The following ZNF680 variants were observed in gnomAD, a reference collection of about 807,000 sequenced individuals.
ZNF680 encodes the protein hypothetical protein FLJ90430.
ZNF680 carries 6 observed loss-of-function variants against 12.1 expected under a neutral mutation model. The observed-to-expected ratio is 0.49, with a 90% CI of 0.27 to 0.98. The LOEUF is 0.98. Among genes scored for constraint, ZNF680 ranks in the 50% least tolerant of loss-of-function variants. The pLI is 0.12. For missense variants in ZNF680, 561 were observed against 616.3 expected (o/e 0.91, Z 0.95); for synonymous variants, 170 against 199.3 (o/e 0.85, Z 1.24).
chr7:64,546,988 C>T (rs1017839552), intron 1 of ZNF680, among the ~76,000 whole-genome samples: 11 of 151,966 alleles, frequency 7.2e-5, no homozygotes, highest in African/African-American at 1.2e-4. Flanking sequence ...TAAAACAATA[C>T]GGATGCTTCC....
chr7:64,545,431 G>T (rs1408875991), intron 1 of ZNF680, among the ~76,000 whole-genome samples: 3 of 152,060 alleles, frequency 2.0e-5, no homozygotes, highest in African/African-American at 7.2e-5. Flanking sequence ...GCTGCATAAA[G>T]ATACTTACTA....
intron 1 of ZNF680, among the ~76,000 whole-genome samples, chr7:64,554,933 C>T (rs1488598275): frequency 6.6e-6 from 1 of 152,032 alleles, no homozygotes; most frequent in Admixed American, 6.6e-5. Flanking sequence ...CCACTATTGT[C>T]CTATGACCCT....
At chr7:64,540,316 T>G (rs1395469170) in intron 3 of ZNF680, among the ~76,000 whole-genome samples, 6 of 134,686 alleles carry the variant, frequency 4.5e-5, no homozygotes, top group Admixed American at 1.5e-4. Context: ...TTTTTTTTTT[T>G]TTTTTTGAGA....
intron 3 of ZNF680, among the ~76,000 whole-genome samples, chr7:64,528,072 T>C (rs1476579597): frequency 3.3e-5 from 5 of 152,128 alleles, no homozygotes; most frequent in African/African-American, 4.8e-5. Context: ...TGGGAGAAGA[T>C]GCCGACCTTA....
rs1168526586 is a variant in ZNF680, at chr7:64,526,197, T to C, written c.254-3697A>G. 3 of 975,890 alleles carry C rather than the reference T, an allele frequency of 3.1e-6. No homozygotes were observed. In the African/African-American group the frequency reaches 5.2e-5, roughly 17 times the overall value. 60.5% of individuals were successfully genotyped at this position (975,890 alleles called of 1,614,324 possible). A position where few individuals can be genotyped will look rare whatever the true frequency, so the allele number is the denominator to read the frequency against. ...TTAAAAAACTCTTAGAAGAAGAATG[T>C]AGGGAAAAAGTAATGTAGAGGTTAC... is the stretch of plus-strand genomic sequence containing the variant. On this transcript the variant is annotated intron_variant, in intron 3 of 3. Transcript: ENST00000309683.
chr7:64,516,126 A>C (rs896131018), downstream of ZNF680, among the ~76,000 whole-genome samples: 1 of 152,068 alleles, frequency 6.6e-6, no homozygotes, highest in Non-Finnish European at 1.5e-5. Flanking sequence ...CACAGGGGGA[A>C]CTCCTACTCA....
At chr7:64,559,866 T>C (rs1221425655) in intron 1 of ZNF680, among the ~76,000 whole-genome samples, 1 of 152,176 alleles carries the variant, frequency 6.6e-6, no homozygotes, top group African/African-American at 2.4e-5. Context: ...AAATGTATTA[T>C]TTTATTATTT....
In ZNF680 at chr7:64,522,002, G is replaced by C. The variant is rs755099527; in HGVS notation, c.752C>G (p.Ser251Ter). The change falls in exon 4 of 4, where the codon TCA becomes TGA. Residue 251 changes from serine to a stop codon, truncating the protein, a stop_gained. Transcript: ENST00000309683. LOFTEE classifies it low-confidence loss of function (END_TRUNC). The stretch of plus-strand genomic sequence containing the variant: ...AATTTTCTTATGTTTAATAAGGGTT[G>C]AGGATTGGTTAAAGGCTTTGCCACA... ...EECGKAFNQS[S>*]TLIKHKKIHI... is the part of the protein sequence containing the mutation. 1 of 1,612,866 alleles carries C rather than the reference G, an allele frequency of 6.2e-7. No homozygotes were observed. Among genetic ancestry groups the C allele is most frequent in the Non-Finnish European group, 8.5e-7 (1 of 1,179,572 alleles).
At chr7:64,510,140 G>T in the ZNF680 span, among the ~76,000 whole-genome samples, 1 of 150,888 alleles carries the variant, frequency 6.6e-6, no homozygotes, top group African/African-American at 2.4e-5. Context: ...AGGAAAAAAG[G>T]GTAGAACAAG....
chr7:64,563,049 G>T lies in ZNF680; in HGVS notation c.-95C>A. 1 of 1,456,274 alleles carries T rather than the reference G, an allele frequency of 6.9e-7. No homozygotes were observed. The highest frequency in any genetic ancestry group is 9.6e-7 in the Non-Finnish European group (1 of 1,046,440). 90.2% of individuals were successfully genotyped at this position (1,456,274 alleles called of 1,614,324 possible). A position where few individuals can be genotyped will look rare whatever the true frequency, so the allele number is the denominator to read the frequency against. On this transcript the variant is annotated 5_prime_UTR_variant, in exon 1 of 4. Coordinates refer to ENST00000309683, the MANE Select transcript of ZNF680 (RefSeq NM_178558.5). ...CACAGAGCAGTAAAGACTAGACCTGGAGCTCCCGCAGCAGCTAGAGACAAA... is the reference window on the plus strand; with the variant it reads ...CACAGAGCAGTAAAGACTAGACCTGTAGCTCCCGCAGCAGCTAGAGACAAA...
intron 1 of ZNF680, among the ~76,000 whole-genome samples, chr7:64,558,935 T>A (rs1027380540): frequency 6.6e-6 from 1 of 151,314 alleles, no homozygotes; most frequent in Non-Finnish European, 1.5e-5. Context: ...AAAGAGCAAG[T>A]GGGAGGGGAA....
Position 64,521,071 on chromosome 7 carries a change from C to T in ZNF680, c.*90G>A. The T allele has an allele frequency of 3.0e-6, 4 of 1,336,446 alleles. No individual in the cohort carries two copies. Among genetic ancestry groups the T allele is most frequent in the Non-Finnish European group, 4.1e-6 (4 of 976,764 alleles). 82.8% of individuals were successfully genotyped at this position (1,336,446 alleles called of 1,614,324 possible). A position where few individuals can be genotyped will look rare whatever the true frequency, so the allele number is the denominator to read the frequency against. ...CAATATAAATTATCTTACCTACAAG[C>T]AAGTGTAACAATCATTGGAAGGCTT... On this transcript the variant is annotated 3_prime_UTR_variant, in exon 4 of 4. Coordinates refer to ENST00000309683, the MANE Select transcript of ZNF680 (RefSeq NM_178558.5).
chr7:64,548,047 T>C (rs1265151466), intron 1 of ZNF680, among the ~76,000 whole-genome samples: 1 of 152,152 alleles, frequency 6.6e-6, no homozygotes, highest in Non-Finnish European at 1.5e-5. Context: ...GAGTGGACCC[T>C]ATGTAGAATT....
At chr7:64,531,201 C>T (rs1785855689) in intron 3 of ZNF680, among the ~76,000 whole-genome samples, 1 of 152,122 alleles carries the variant, frequency 6.6e-6, no homozygotes, top group African/African-American at 2.4e-5. Flanking sequence ...GCGGGTGAAA[C>T]TTTCTCCAAG....
the ZNF680 span, among the ~76,000 whole-genome samples, chr7:64,510,012 C>T: frequency 2.2e-5 from 3 of 138,222 alleles, no homozygotes; most frequent in African/African-American, 8.2e-5. Flanking sequence ...GCTCCTTTAA[C>T]CGTAAAACTC....
chr7:64,553,736 C>T (rs1787212499), intron 1 of ZNF680, among the ~76,000 whole-genome samples: 1 of 151,010 alleles, frequency 6.6e-6, no homozygotes, highest in Non-Finnish European at 1.5e-5. Flanking sequence ...CAGGCGCGCG[C>T]CGCCACGCCA....
downstream of ZNF680, among the ~76,000 whole-genome samples, chr7:64,519,539 G>A (rs80256424): frequency 0.031 from 4,673 of 151,712 alleles, 357 homozygotes; most frequent in East Asian, 0.32. Flanking sequence ...TTGCACACAC[G>A]TTTATAGTCT....
the ZNF680 span, among the ~76,000 whole-genome samples, chr7:64,500,206 C>A: frequency 6.6e-6 from 1 of 152,024 alleles, no homozygotes; most frequent in Admixed American, 6.6e-5. Flanking sequence ...AAAATAATTT[C>A]CCCTGGGAAC....
chr7:64,540,312 T>C (rs1295066045), intron 3 of ZNF680, among the ~76,000 whole-genome samples: 1 of 96,814 alleles, frequency 1.0e-5, no homozygotes, highest in Non-Finnish European at 2.6e-5. Flanking sequence ...CCTTTTTTTT[T>C]TTTTTTTTTT....
Sources: allele counts gnomAD v4.1 joint callset (sites outside exome capture counted in the v4.1 genomes callset), GRCh38; gene constraint gnomAD v4.1.1; transcripts MANE v1.5; gene names NCBI Gene and HGNC (gene_info 2026-07-23, HGNC 2026-07-21).